The following HEPHL1 variants were observed in gnomAD, a reference collection of about 807,000 sequenced individuals.
The protein encoded by HEPHL1 is hephaestin like 1, also known as ferroxidase HEPHL1.
Under a neutral mutation model 122.0 loss-of-function variants are expected in HEPHL1, and 123 were observed. The ratio of observed to expected loss-of-function variants is 1.01; its 90% confidence interval spans 0.87 to 1.17. The LOEUF (loss-of-function observed/expected upper bound fraction) is 1.17. HEPHL1 is among the 50% of genes most tolerant of loss of function. The pLI is 0.00. For synonymous variants in HEPHL1, 527 were observed against 508.9 expected, an observed-to-expected ratio of 1.04 and a Z score of -0.48; for missense variants, 1,452 against 1,430.5, an observed-to-expected ratio of 1.01 and a Z score of -0.24.
rs114004842 is a variant in HEPHL1 at position 94,114,207 on chromosome 11, C to T, written c.*2313C>T. Reference sequence around the variant, plus strand: ...CTGTCTTATTTAACTCTATAACCCCCTCCGACACAGTTTCTCTCTTCCTTT... The same window carrying T: ...CTGTCTTATTTAACTCTATAACCCCTTCCGACACAGTTTCTCTCTTCCTTT... On this transcript the variant is annotated 3_prime_UTR_variant, in exon 20 of 20. Transcript: ENST00000315765. 5.8e-3 allele frequency among the ~76,000 whole-genome samples: 885 copies of T among 152,300 alleles called. 11 individuals are homozygous for T. The highest frequency in any genetic ancestry group is 0.02 in the African/African-American group (823 of 41,570).
At chr11:94,098,810 A>G (rs545953780) in intron 13 of HEPHL1, among the ~76,000 whole-genome samples, 62 of 152,318 alleles carry the variant, frequency 4.1e-4, no homozygotes, top group African/African-American at 1.4e-3. Context: ...CGAATCGGCT[A>G]CTGAAGCTTG....
At chr11:94,031,581 ACAGG>A (rs1945676043) in intron 1 of HEPHL1, among the ~76,000 whole-genome samples, 1 of 152,218 alleles carries the variant, frequency 6.6e-6, no homozygotes. Context: ...AATTTTTTAA[ACAGG>A]ATTCCTCTCT....
In HEPHL1 at chr11:94,067,540, T is replaced by C. The variant is rs1946044166; in HGVS notation, c.853T>C (p.Cys285Arg). 6.2e-7 allele frequency: 1 copy of C among 1,613,552 alleles called. No homozygotes were observed. The highest frequency in any genetic ancestry group is 1.3e-5 in the African/African-American group (1 of 74,896). ...CGGAAACTTCCCGGAGCCTGATATG[T>C]GTGTTGGAGAATCTGTGTCCTGGCA... ...LFGNFPEPDM[C>R]VGESVSWHLF... Residue 285 changes from cysteine (C) to arginine (R), a missense_variant, in exon 5 of 20, where the codon TGT becomes CGT. Physicochemically the swap from Cys to Arg is radical, Grantham distance 180. Transcript: ENST00000315765.
intron 1 of HEPHL1, among the ~76,000 whole-genome samples, chr11:94,025,991 T>G (rs1945621344): frequency 6.6e-6 from 1 of 152,146 alleles, no homozygotes; most frequent in Non-Finnish European, 1.5e-5. Context: ...TTTAACAAAT[T>G]AGGATTTTGT....
At chr11:94,041,474 T>C (rs1945778334) in intron 1 of HEPHL1, among the ~76,000 whole-genome samples, 2 of 133,666 alleles carry the variant, frequency 1.5e-5, no homozygotes, top group South Asian at 2.7e-4. Flanking sequence ...CTTCAAACTA[T>C]ACTACAAGGC....
In HEPHL1 at chr11:94,021,478, A is replaced by G. The variant is rs746842023; in HGVS notation, c.110A>G (p.Tyr37Cys). ...TACTACATTGGGATTGTGGAAGAAT[A>G]CTGGAACTATGTACCCCAAGGGAAG... The part of the protein sequence containing the change: ...RTYYIGIVEE[Y>C]WNYVPQGKNV... Residue 37 changes from tyrosine to cysteine, a missense_variant, in exon 1 of 20, where the codon TAC (tyrosine) becomes TGC (cysteine). Transcript: ENST00000315765. 40 of 1,613,334 alleles carry G rather than the reference A, an allele frequency of 2.5e-5. No individual in the cohort carries two copies. The highest frequency in any genetic ancestry group is 3.4e-5 in the Non-Finnish European group (40 of 1,179,474).
intron 10 of HEPHL1, among the ~76,000 whole-genome samples, chr11:94,085,158 G>A (rs1387390121): frequency 2.6e-5 from 4 of 152,106 alleles, no homozygotes; most frequent in South Asian, 2.1e-4. Flanking sequence ...CAGACATTGC[G>A]TTATATCATG....
At chr11:94,075,521 T>G (rs1591479177) in intron 9 of HEPHL1, 136 bp downstream of exon 9, 1 of 640,768 alleles carries the variant, frequency 1.6e-6, no homozygotes, top group East Asian at 2.7e-5. Flanking sequence ...TTCTACATAA[T>G]GGAGATTTTA....
intron 13 of HEPHL1, among the ~76,000 whole-genome samples, 187 bp downstream of exon 13, chr11:94,093,827 C>T (rs1396300733): frequency 6.6e-6 from 1 of 151,208 alleles, no homozygotes; most frequent in Non-Finnish European, 1.5e-5. Flanking sequence ...TCAACTCATA[C>T]AAAAACTAGT....
intron 17 of HEPHL1, among the ~76,000 whole-genome samples, chr11:94,110,596 C>T (rs181885624): frequency 8.5e-5 from 13 of 152,284 alleles, no homozygotes; most frequent in East Asian, 3.9e-4. Context: ...CTATTGATTT[C>T]GCATACCAAC....
intron 9 of HEPHL1, among the ~76,000 whole-genome samples, chr11:94,078,103 A>G (rs993791566): frequency 5.3e-5 from 8 of 152,138 alleles, no homozygotes; most frequent in African/African-American, 1.9e-4. Context: ...AGAACAATGC[A>G]TGGCACATTG....
intron 13 of HEPHL1, among the ~76,000 whole-genome samples, chr11:94,094,000 AT>A (rs1335993679): frequency 9.7e-6 from 1 of 103,370 alleles, no homozygotes; most frequent in African/African-American, 4.7e-5. Context: ...ATATATATAT[AT>A]ATATATATAT....
chr11:94,109,713 C>G (rs1408547941), intron 17 of HEPHL1, among the ~76,000 whole-genome samples: 1 of 152,000 alleles, frequency 6.6e-6, no homozygotes, highest in Non-Finnish European at 1.5e-5. Context: ...ATGTATTATT[C>G]CTTTTTGTGG....
chr11:94,110,843 G>T, intron 17 of HEPHL1, 60 bp from the exon 18 acceptor site: 2 of 1,376,552 alleles, frequency 1.5e-6, no homozygotes, highest in Non-Finnish European at 2.0e-6. Context: ...TCTTCTTTCT[G>T]TTCTTGCTGT....
chr11:94,052,606 T>C (rs1945899868), intron 2 of HEPHL1, among the ~76,000 whole-genome samples: 1 of 152,142 alleles, frequency 6.6e-6, no homozygotes, highest in African/African-American at 2.4e-5. Context: ...TCCTTATTTC[T>C]TCCTCTTGTC....
intron 2 of HEPHL1, chr11:94,055,225 T>C: frequency 3.7e-6 from 1 of 268,050 alleles, no homozygotes; most frequent in Admixed American, 4.1e-5. Flanking sequence ...CACCTTTTTC[T>C]GCTGCTCAGA....
chr11:94,063,517 A>T lies in HEPHL1; in HGVS notation c.425A>T (p.Tyr142Phe). The change falls in exon 3 of 20, where the codon TAC becomes TTC. Residue 142 changes from tyrosine (Y) to phenylalanine (F), a missense_variant. Coordinates refer to ENST00000315765, the MANE Select transcript of HEPHL1 (RefSeq NM_001098672.2). ...TTTTATTTTTTGGAAGGAGCCCTAT[A>T]CCCAGATGGAACATCTGGAAGGAAC... ...FYNKDSEGAL[Y>F]PDGTSGRNKN... 1 of 1,604,596 alleles carries T rather than the reference A, an allele frequency of 6.2e-7. No homozygotes were observed. The highest frequency in any genetic ancestry group is 1.1e-5 in the South Asian group (1 of 90,152).
At chr11:94,057,991 T>C (rs967830499) in intron 2 of HEPHL1, among the ~76,000 whole-genome samples, 4 of 152,190 alleles carry the variant, frequency 2.6e-5, no homozygotes, top group Non-Finnish European at 4.4e-5. Flanking sequence ...ATCTTTCCTA[T>C]AGTGTGTGGC....
intron 4 of HEPHL1, among the ~76,000 whole-genome samples, chr11:94,066,026 AT>A (rs1453871236): frequency 6.6e-6 from 1 of 151,596 alleles, no homozygotes; most frequent in African/African-American, 2.4e-5. Flanking sequence ...TCTACAAAAA[AT>A]TCAAACAAAC....
Sources: allele counts gnomAD v4.1 joint callset (sites outside exome capture counted in the v4.1 genomes callset), GRCh38; gene constraint gnomAD v4.1.1; transcripts MANE v1.5; gene names NCBI Gene and HGNC (gene_info 2026-07-23, HGNC 2026-07-21).